Variants in HIKESHI observed in about 807,000 individuals in gnomAD.
HIKESHI encodes the protein heat shock protein nuclear import factor hikeshi, also known as protein Hikeshi.
A neutral mutation model predicts 25.7 loss-of-function variants in HIKESHI; 13 were observed. The observed-to-expected ratio is 0.51, with a 90% confidence interval of 0.33 to 0.80. The LOEUF (loss-of-function observed/expected upper bound fraction) is 0.80, where lower values mean the gene tolerates loss of function less well. Among genes scored for constraint, HIKESHI ranks in the 30% least tolerant of loss-of-function variants. The pLI is 0.02. For synonymous variants in HIKESHI, 76 were observed against 78.7 expected, an observed-to-expected ratio of 0.97 and a Z score of 0.18; for missense variants, 174 against 229.5, an observed-to-expected ratio of 0.76 and a Z score of 1.56.
At chr11:86,344,795 CT>C in intron 4 of HIKESHI, 74 bp downstream of exon 4, 1 of 1,013,778 alleles carries the variant, frequency 9.9e-7, no homozygotes, top group Non-Finnish European at 1.5e-6. Context: ...GAATATATTC[CT>C]TTTTTGACAT....
chr11:86,333,760 G>T (rs1264051816), intron 2 of HIKESHI, among the ~76,000 whole-genome samples: 1 of 151,948 alleles, frequency 6.6e-6, no homozygotes, highest in Non-Finnish European at 1.5e-5. Context: ...AGAAGTGATT[G>T]GAAGGAAATA....
intron 2 of HIKESHI, among the ~76,000 whole-genome samples, chr11:86,306,761 G>C (rs1417055432): frequency 6.6e-6 from 1 of 151,550 alleles, no homozygotes; most frequent in Non-Finnish European, 1.5e-5. Context: ...CACTTTGGGA[G>C]GCCCTGGCGG....
At chr11:86,322,964 C>T (rs1947187118) in intron 2 of HIKESHI, among the ~76,000 whole-genome samples, 2 of 152,158 alleles carry the variant, frequency 1.3e-5, no homozygotes, top group African/African-American at 4.8e-5. Context: ...CACGGTAGCT[C>T]ATGCCTATAA....
chr11:86,326,863 T>C (rs771576841), intron 2 of HIKESHI, among the ~76,000 whole-genome samples: 1 of 152,314 alleles, frequency 6.6e-6, no homozygotes, highest in Non-Finnish European at 1.5e-5. Flanking sequence ...GGGACTGTTG[T>C]ATGGATGATC....
chr11:86,312,741 A>G (rs1226503657), intron 2 of HIKESHI, among the ~76,000 whole-genome samples: 1 of 152,194 alleles, frequency 6.6e-6, no homozygotes, highest in Non-Finnish European at 1.5e-5. Flanking sequence ...GAGCTCTTAT[A>G]AGGCAGGCCT....
intron 2 of HIKESHI, among the ~76,000 whole-genome samples, chr11:86,312,195 A>C (rs1198600593): frequency 6.6e-6 from 1 of 152,152 alleles, no homozygotes; most frequent in Admixed American, 6.6e-5. Context: ...GTGGGAGTCT[A>C]AGTCTCTTTG....
intron 2 of HIKESHI, among the ~76,000 whole-genome samples, chr11:86,309,485 G>C (rs181693264): frequency 6.6e-6 from 1 of 152,056 alleles, no homozygotes; most frequent in African/African-American, 2.4e-5. Context: ...TTGTCAGATG[G>C]GTAGATTGCA....
chr11:86,317,132 C>T (rs1467791434), intron 2 of HIKESHI, among the ~76,000 whole-genome samples: 2 of 151,948 alleles, frequency 1.3e-5, no homozygotes, highest in African/African-American at 4.8e-5. Flanking sequence ...CAAAAGAAAG[C>T]TTGCATAAGT....
At chr11:86,330,273 C>T (rs182798821) in intron 2 of HIKESHI, among the ~76,000 whole-genome samples, 6 of 152,254 alleles carry the variant, frequency 3.9e-5, no homozygotes, top group Admixed American at 3.9e-4. Flanking sequence ...TTGTCAACTA[C>T]AAGCAAGTTT....
chr11:86,338,030 G>C (rs1173671453), intron 3 of HIKESHI, among the ~76,000 whole-genome samples: 1 of 152,054 alleles, frequency 6.6e-6, no homozygotes, highest in East Asian at 1.9e-4. Context: ...TTTTTTTGTA[G>C]AGAACAGTTA....
At chr11:86,344,746 T>C (rs758463445) in intron 4 of HIKESHI, 25 bp downstream of exon 4, 12 of 1,403,938 alleles carry the variant, frequency 8.5e-6, no homozygotes, top group Non-Finnish European at 1.2e-5. Context: ...CTGTCTCCAA[T>C]ATTAAGGCTT....
At chr11:86,307,888 T>C (rs1291773663) in intron 2 of HIKESHI, among the ~76,000 whole-genome samples, 1 of 122,768 alleles carries the variant, frequency 8.1e-6, no homozygotes, top group Non-Finnish European at 1.6e-5. Flanking sequence ...TTATGTGTAA[T>C]ATACAATATA....
chr11:86,317,528 G>A (rs575800922), intron 2 of HIKESHI, among the ~76,000 whole-genome samples: 1 of 152,212 alleles, frequency 6.6e-6, no homozygotes, highest in Non-Finnish European at 1.5e-5. Context: ...TCAAGGGCTG[G>A]GTGTGGTGGC....
At chr11:86,343,441 C>A (rs1480749160) in intron 3 of HIKESHI, 1 of 151,800 alleles carries the variant, frequency 6.6e-6, no homozygotes, top group African/African-American at 2.4e-5. Flanking sequence ...TTGAGACCAG[C>A]CTGGGTAACA....
At chr11:86,315,595 A>G (rs1349708926) in intron 2 of HIKESHI, among the ~76,000 whole-genome samples, 1 of 152,226 alleles carries the variant, frequency 6.6e-6, no homozygotes, top group Non-Finnish European at 1.5e-5. Context: ...CTGGGATTAC[A>G]GGCATGAGCC....
chr11:86,304,574 T>C (rs566293143), intron 1 of HIKESHI, among the ~76,000 whole-genome samples: 7 of 144,400 alleles, frequency 4.8e-5, no homozygotes, highest in Non-Finnish European at 8.9e-5. Context: ...TGGAGTGCAA[T>C]GGTGTGATCT....
At chr11:86,320,467 T>G (rs1267532553) in intron 2 of HIKESHI, among the ~76,000 whole-genome samples, 1 of 152,202 alleles carries the variant, frequency 6.6e-6, no homozygotes, top group Non-Finnish European at 1.5e-5. Context: ...TCCCAGCTAC[T>G]CGGGAGGCTG....
At chr11:86,342,723 A>ATTTT (rs57183083) in intron 3 of HIKESHI, among the ~76,000 whole-genome samples, 4 of 148,876 alleles carry the variant, frequency 2.7e-5, no homozygotes, top group Non-Finnish European at 4.5e-5. Context: ...AATTTGTCCC[A>ATTTT]TTTTTTTTTT....
chr11:86,313,854 T>C (rs924616523), intron 2 of HIKESHI, among the ~76,000 whole-genome samples: 2 of 152,180 alleles, frequency 1.3e-5, no homozygotes, highest in African/African-American at 4.8e-5. Flanking sequence ...AGTAGGACTT[T>C]GTCAGGCCTA....
Sources: allele counts gnomAD v4.1 joint callset (sites outside exome capture counted in the v4.1 genomes callset), GRCh38; gene constraint gnomAD v4.1.1; transcripts MANE v1.5; gene names NCBI Gene and HGNC (gene_info 2026-07-23, HGNC 2026-07-21).